ABCC6: variants seen among roughly 807,000 people sequenced by gnomAD.
ABCC6 encodes ATP-binding cassette sub-family C member 6.
A neutral mutation model predicts 169.5 loss-of-function variants in ABCC6; 126 were observed. The observed-to-expected ratio is 0.74, with a 90% CI of 0.64 to 0.86. The LOEUF (loss-of-function observed/expected upper bound fraction) is 0.86. ABCC6 is among the 40% of genes least tolerant of loss of function. The probability of loss-of-function intolerance (pLI) is 0.00; values close to 1 mark genes in which losing one functional copy is unlikely to be tolerated. For missense variants in ABCC6, 1,733 were observed against 1,927.2 expected (o/e 0.90, Z 1.89); for synonymous variants, 752 against 814.7 (o/e 0.92, Z 1.31).
Position 16,215,478 on chromosome 16 carries a change from C to CT in ABCC6, c.475-1030dup, listed in dbSNP as rs751394105. On this transcript the variant is annotated intron_variant, in intron 4 of 30. Transcript: ENST00000205557. ...GTGTGTGTGTGTGTGTGTGTGTATA[C>CT]TTTTTTTTTTTTTGAGACGGAGTCT... Among the ~76,000 whole-genome samples the CT allele has an allele frequency of 2.4e-3, 281 of 114,810 alleles. 4 individuals are homozygous for CT. Among genetic ancestry groups the CT allele is most frequent in the African/African-American group, 2.6e-3 (84 of 31,762 alleles). The allele number at this position is 114,810 out of a possible 152,430, so 75.3% of individuals were successfully genotyped here.
Position 16,185,030 on chromosome 16 carries a change from G to A in ABCC6, c.1872C>T (p.Ala624=), listed in dbSNP as rs747341864. Residue 624 remains alanine, a synonymous_variant, in exon 15 of 31, where the codon GCC becomes GCT. Transcript: ENST00000205557. ...TGTGTATGGTGATGCAATCCTTCCCGGCAGCTGCAGGGCACAAGAGGCCAT... is the reference window on the plus strand; with the variant it reads ...TGTGTATGGTGATGCAATCCTTCCCAGCAGCTGCAGGGCACAAGAGGCCAT... The part of the protein sequence containing the change: ...VVDSSSSGSA[A]GKDCITIHSA... The A allele has an allele frequency of 5.0e-6, 8 of 1,613,264 alleles. No homozygotes were observed. The highest frequency in any genetic ancestry group is 2.2e-5 in the East Asian group (1 of 44,882).
intron 22 of ABCC6, among the ~76,000 whole-genome samples, chr16:16,168,180 C>T (rs926707945): frequency 9.8e-4 from 8 of 8,162 alleles, no homozygotes; most frequent in East Asian, 3.7e-3. Flanking sequence ...AACATGAAAA[C>T]GAGGCAACTG....
intron 22 of ABCC6, among the ~76,000 whole-genome samples, chr16:16,166,980 A>G (rs922233592): frequency 2.0e-5 from 3 of 152,254 alleles, no homozygotes; most frequent in Admixed American, 6.5e-5. Context: ...TTTAGACTTC[A>G]GGCCTCAGAA....
At chr16:16,156,942 C>CAAAAAAA (rs33984541) in intron 27 of ABCC6, among the ~76,000 whole-genome samples, 2 of 101,154 alleles carry the variant, frequency 2.0e-5, no homozygotes, top group African/African-American at 4.2e-5. Context: ...GACTCTGTCT[C>CAAAAAAA]AAAAAAAAAA....
chr16:16,154,610 A>G lies in ABCC6; in HGVS notation c.4208+18T>C, dbSNP rs2046480785. On this transcript the variant is annotated intron_variant, in intron 29 of 30. Transcript: ENST00000205557. The stretch of plus-strand genomic sequence containing the variant: ...CCTCTCCCACCTGCAGGTCCCAGCC[A>G]TGGTGGGACGACCATACCTCAGGTC... 1 of 1,611,534 alleles carries G rather than the reference A, an allele frequency of 6.2e-7. No homozygotes were observed. The highest frequency in any genetic ancestry group is 8.5e-7 in the Non-Finnish European group (1 of 1,179,940).
At chr16:16,150,517 C>T in intron 30 of ABCC6, 61 bp downstream of exon 30, 1 of 1,572,634 alleles carries the variant, frequency 6.4e-7, no homozygotes, top group Non-Finnish European at 8.6e-7. Context: ...AGGACTGCCT[C>T]CGCCTCCTTC....
intron 10 of ABCC6, among the ~76,000 whole-genome samples, chr16:16,193,884 G>C (rs963960925): frequency 9.2e-5 from 14 of 152,218 alleles, no homozygotes; most frequent in Admixed American, 7.9e-4. Context: ...GGATGTCAGG[G>C]AATCTGATAA....
intron 26 of ABCC6, among the ~76,000 whole-genome samples, 174 bp downstream of exon 26, chr16:16,159,307 TG>T (rs2046638988): frequency 6.6e-6 from 1 of 152,198 alleles, no homozygotes; most frequent in African/African-American, 2.4e-5. Context: ...CCAAACCTTA[TG>T]CTCCTAACCA....
At chr16:16,207,609 A>G (rs1414869571) in intron 7 of ABCC6, among the ~76,000 whole-genome samples, 1 of 152,050 alleles carries the variant, frequency 6.6e-6, no homozygotes, top group Non-Finnish European at 1.5e-5. Flanking sequence ...AACAACTACC[A>G]CAAAATCCCG....
At chr16:16,213,682 T>C (rs1423437451) in intron 5 of ABCC6, among the ~76,000 whole-genome samples, 1 of 143,256 alleles carries the variant, frequency 7.0e-6, no homozygotes, top group African/African-American at 2.6e-5. Context: ...TGCCTCAGCC[T>C]CCCGAGTAGC....
Position 16,175,934 on chromosome 16 carries a change from C to T in ABCC6, c.2643G>A (p.Arg881=), listed in dbSNP as rs72653800. The T allele has an allele frequency of 6.2e-7, 1 of 1,614,044 alleles. No individual in the cohort carries two copies. The highest frequency in any genetic ancestry group is 8.5e-7 in the Non-Finnish European group (1 of 1,180,044). The stretch of plus-strand genomic sequence containing the variant: ...ACCTCTCGCGTCTAAGCTCGGGCCT[C>T]CTGCCTGCAGAGGTGCCTCTGGGGT... ...TKDPRGTSAG[R]RPELRRERSI... Residue 881 remains arginine, a synonymous_variant, in exon 20 of 31, where the codon AGG becomes AGA. Coordinates refer to ENST00000205557, the MANE Select transcript of ABCC6 (RefSeq NM_001171.6).
intron 19 of ABCC6, 87 bp from the exon 20 acceptor site, chr16:16,176,073 C>T (rs1224082407): frequency 3.8e-6 from 5 of 1,302,792 alleles, no homozygotes; most frequent in East Asian, 2.3e-5. Flanking sequence ...ACCGCTCTGA[C>T]CATCCATTTC....
At chr16:16,201,639 C>A (rs1045553719) in intron 9 of ABCC6, among the ~76,000 whole-genome samples, 2 of 152,098 alleles carry the variant, frequency 1.3e-5, no homozygotes, top group African/African-American at 2.4e-5. Context: ...ACCAGCCTGA[C>A]CAACATGGCA....
rs914745226 is a variant in ABCC6 at position 16,214,254 on chromosome 16, C to T, written c.600+70G>A. The stretch of plus-strand genomic sequence containing the variant: ...GCTAAATGAATAAAAAAATTAAAGA[C>T]TTTTGGTCACCTGGGGGAGACTGAG... On this transcript the variant is annotated intron_variant, in intron 5 of 30. Transcript: ENST00000205557. The T allele has an allele frequency of 5.8e-6, 9 of 1,545,370 alleles. No homozygotes were observed. The East Asian group carries it at 1.5e-4, about 25-fold the overall frequency.
chr16:16,215,763 C>T (rs978874393), intron 4 of ABCC6, among the ~76,000 whole-genome samples: 12 of 151,048 alleles, frequency 7.9e-5, no homozygotes, highest in East Asian at 2.0e-4. Flanking sequence ...CATGAGCCAC[C>T]GCGCCCGGCC....
chr16:16,158,592 T>C (rs779880436), intron 26 of ABCC6, among the ~76,000 whole-genome samples: 1 of 152,252 alleles, frequency 6.6e-6, no homozygotes, highest in Non-Finnish European at 1.5e-5. Flanking sequence ...GTTACTGTTA[T>C]ATTGCTAACA....
At chr16:16,177,700 T>C in intron 18 of ABCC6, 74 bp from the exon 19 acceptor site, 1 of 1,576,166 alleles carries the variant, frequency 6.3e-7, no homozygotes, top group Non-Finnish European at 8.7e-7. Flanking sequence ...CCCAACACTT[T>C]GGGAAGCCAA....
At chr16:16,193,347 T>C (rs1321220714) in intron 10 of ABCC6, among the ~76,000 whole-genome samples, 1 of 152,162 alleles carries the variant, frequency 6.6e-6, no homozygotes, top group East Asian at 1.9e-4. Flanking sequence ...ACCATAAAAA[T>C]GGGCAACCAG....
intron 27 of ABCC6, among the ~76,000 whole-genome samples, chr16:16,157,124 C>T (rs1016730752): frequency 6.6e-6 from 1 of 151,856 alleles, no homozygotes; most frequent in Admixed American, 6.6e-5. Context: ...GTACTAGCAC[C>T]TCACTTAGGG....
Sources: allele counts gnomAD v4.1 joint callset (sites outside exome capture counted in the v4.1 genomes callset), GRCh38; gene constraint gnomAD v4.1.1; transcripts MANE v1.5; gene names NCBI Gene and HGNC (gene_info 2026-07-23, HGNC 2026-07-21).